Variants in KANK1 observed in about 807,000 individuals in gnomAD.
KANK1 encodes the protein KN motif and ankyrin repeat domain-containing protein 1.
A neutral mutation model predicts 106.2 loss-of-function variants in KANK1; 109 were observed. That is an observed-to-expected ratio of 1.03 (90% confidence interval 0.88 to 1.20). KANK1 has a LOEUF of 1.20. KANK1 is among the 50% of genes most tolerant of loss of function. The pLI, the probability that KANK1 is intolerant of heterozygous loss-of-function variation, is 0.00. For synonymous variants in KANK1, 873 were observed against 652.2 expected (o/e 1.34, Z -5.16); for missense variants, 2,399 against 1,710.7 (o/e 1.40, Z -7.10).
chr9:672,416 T>C (rs12378111), intron 1 of KANK1, among the ~76,000 whole-genome samples: 11,267 of 152,294 alleles, frequency 0.074, 487 homozygotes, highest in Non-Finnish European at 0.094. Flanking sequence ...ATGTAATTTC[T>C]TAATAAGCAT....
At chr9:483,043 A>G (rs1351178145) in intron 3 of KANK1, among the ~76,000 whole-genome samples, 1 of 152,212 alleles carries the variant, frequency 6.6e-6, no homozygotes, top group African/African-American at 2.4e-5. Context: ...CTTGCGTCCA[A>G]GTAACCCTTA....
intron 2 of KANK1, among the ~76,000 whole-genome samples, chr9:678,240 T>A (rs779963305): frequency 6.6e-6 from 1 of 152,278 alleles, no homozygotes; most frequent in Non-Finnish European, 1.5e-5. Context: ...GGGACTGCTA[T>A]CAATAATAAA....
chr9:616,509 A>G (rs1381877302), intron 1 of KANK1, among the ~76,000 whole-genome samples: 2 of 152,208 alleles, frequency 1.3e-5, no homozygotes, highest in African/African-American at 4.8e-5. Flanking sequence ...TCAAAGAAAT[A>G]TTTCATTTAT....
chr9:510,933 A>G (rs1234342065), intron 1 of KANK1, among the ~76,000 whole-genome samples: 4 of 152,200 alleles, frequency 2.6e-5, no homozygotes, highest in East Asian at 1.9e-4. Context: ...GAATAAGCCA[A>G]TATCACTTAA....
chr9:660,883 G>T (rs899474036), intron 1 of KANK1, among the ~76,000 whole-genome samples: 2 of 152,150 alleles, frequency 1.3e-5, no homozygotes, highest in African/African-American at 4.8e-5. Context: ...TGCCACAAAG[G>T]TCTTTTTGAC....
intron 1 of KANK1, among the ~76,000 whole-genome samples, chr9:603,727 G>A (rs1014595385): frequency 6.6e-5 from 10 of 151,472 alleles, no homozygotes; most frequent in South Asian, 2.1e-4. Flanking sequence ...AGGTCGAGGC[G>A]GGCGGATCAC....
chr9:592,237 TGTAAAGG>T lies in KANK1; in HGVS notation c.-83-84652_-83-84646del, dbSNP rs1825097003. On this transcript the variant is annotated intron_variant, in intron 1 of 11. Coordinates refer to ENST00000382297, the MANE Select transcript of KANK1 (RefSeq NM_015158.5). Reference sequence around the variant, plus strand: ...GAGCAAAGGTTAGATAATAAGGGGATGTAAAGGAATTGATCTAGATAAGTTAGTTTAC... The same window carrying T: ...GAGCAAAGGTTAGATAATAAGGGGATAATTGATCTAGATAAGTTAGTTTAC... Among the ~76,000 whole-genome samples the T allele has an allele frequency of 2.6e-5, 4 of 151,846 alleles. No individual in the cohort carries two copies. The South Asian group carries it at 8.3e-4, about 31-fold the overall frequency.
chr9:703,031 G>A (rs1244452746), intron 2 of KANK1, among the ~76,000 whole-genome samples: 4 of 151,986 alleles, frequency 2.6e-5, no homozygotes, highest in Non-Finnish European at 5.9e-5. Flanking sequence ...TCTCTCTGTT[G>A]CCCAGGCTGG....
intron 1 of KANK1, among the ~76,000 whole-genome samples, chr9:637,525 A>G (rs1039836150): frequency 6.6e-6 from 1 of 152,172 alleles, no homozygotes; most frequent in Non-Finnish European, 1.5e-5. Context: ...GCTGGGACTT[A>G]CCTTCAGGGA....
At chr9:531,492 T>C (rs1431563590) in intron 1 of KANK1, among the ~76,000 whole-genome samples, 2 of 152,142 alleles carry the variant, frequency 1.3e-5, no homozygotes, top group Non-Finnish European at 2.9e-5. Flanking sequence ...AATCAGAACA[T>C]TCAGGCTTGA....
intron 2 of KANK1, among the ~76,000 whole-genome samples, chr9:699,067 G>A (rs552004337): frequency 6.6e-6 from 1 of 152,040 alleles, no homozygotes; most frequent in South Asian, 2.1e-4. Flanking sequence ...TCTTTCCTCT[G>A]CCTAGAATTT....
intron 1 of KANK1, chr9:470,401 G>A (rs985881364): frequency 3.9e-5 from 6 of 152,668 alleles, no homozygotes; most frequent in African/African-American, 1.2e-4. Context: ...ACTCGGGGAG[G>A]CTGAGGGCTT....
chr9:518,030 G>A (rs1310927571), intron 1 of KANK1, among the ~76,000 whole-genome samples: 4 of 151,588 alleles, frequency 2.6e-5, no homozygotes, highest in Non-Finnish European at 5.9e-5. Context: ...GAGCCACCTT[G>A]CCCGGCCAAC....
rs779136001 is a variant in KANK1 at position 738,312 on chromosome 9, G to T, written c.3361G>T (p.Glu1121Ter). Reference protein sequence around the residue: ...MRFCLNTLQHEWFRVSSQKSA... With the variant: ...MRFCLNTLQH ...GTTCTGTCTGAACACCCTCCAGCAC[G>T]AGTGGTTCCGCGTGTCCAGTCAGAA... Residue 1121 changes from glutamate (E) to a stop codon, truncating the protein, a stop_gained, in exon 8 of 12, where the codon GAG becomes TAG. Coordinates refer to ENST00000382297, the MANE Select transcript of KANK1 (RefSeq NM_015158.5). LOFTEE classifies it high-confidence loss of function. The T allele has an allele frequency of 6.2e-7, 1 of 1,613,722 alleles. No homozygotes were observed. Among genetic ancestry groups the T allele is most frequent in the Non-Finnish European group, 8.5e-7 (1 of 1,179,878 alleles).
rs79328139 is a variant in KANK1 at position 638,625 on chromosome 9, T to A, written c.-83-38265T>A. Among the ~76,000 whole-genome samples the A allele has an allele frequency of 4.1e-4, 63 of 152,362 alleles. 1 individual carries two copies. The East Asian group carries it at 0.012, about 29-fold the overall frequency. On this transcript the variant is annotated intron_variant, in intron 1 of 11. Transcript: ENST00000382297. The stretch of plus-strand genomic sequence containing the variant: ...TTTGGCAAAGAATATGTTGGTTCTT[T>A]ACCTCCAGGTTCTGGGCAAACTTTG...
At position 608,583 on chromosome 9, in the gene KANK1, G is replaced by GCT. The variant is rs1359702783; in HGVS notation, c.-83-68298_-83-68297dup. ...AGGTAGTTGAAGTTTACAAGAGTGG[G>GCT]CTCTCTCTCTAGTCACTTCGGGAGG... On this transcript the variant is annotated intron_variant, in intron 1 of 11. Coordinates refer to ENST00000382297, the MANE Select transcript of KANK1 (RefSeq NM_015158.5). Among the ~76,000 whole-genome samples the GCT allele has an allele frequency of 2.7e-5, 4 of 149,286 alleles. No homozygotes were observed. In the East Asian group the frequency reaches 7.7e-4, roughly 29 times the overall value.
chr9:633,227 C>T (rs1025016656), intron 1 of KANK1, among the ~76,000 whole-genome samples: 4 of 152,024 alleles, frequency 2.6e-5, no homozygotes, highest in Non-Finnish European at 4.4e-5. Context: ...AGAGCCGAGG[C>T]GGGCAGATCA....
chr9:618,213 A>G (rs533546169), intron 1 of KANK1, among the ~76,000 whole-genome samples: 9 of 152,086 alleles, frequency 5.9e-5, no homozygotes, highest in Non-Finnish European at 1.3e-4. Flanking sequence ...GATCACATTT[A>G]TTTATTTATT....
chr9:507,623 C>G (rs560745531), intron 1 of KANK1, among the ~76,000 whole-genome samples: 1 of 142,618 alleles, frequency 7.0e-6, no homozygotes, highest in Non-Finnish European at 1.5e-5. Context: ...GTGGCGCGAT[C>G]TCAGCTCACT....
Sources: gnomAD v4.1 joint callset for allele counts (sites outside exome capture counted in the v4.1 genomes callset) on GRCh38, gnomAD v4.1.1 for gene constraint, MANE v1.5 for transcripts, NCBI Gene and HGNC (gene_info 2026-07-23, HGNC 2026-07-21) for gene names.